Variants in OPHN1 observed in about 807,000 individuals in gnomAD.
The protein encoded by OPHN1 is oligophrenin 1.
Under a neutral mutation model 60.7 loss-of-function variants are expected in OPHN1, and 11 were observed. The ratio of observed to expected loss-of-function variants is 0.18; its 90% confidence interval spans 0.11 to 0.30. The LOEUF is 0.30. OPHN1 is among the 10% of genes least tolerant of loss of function. The pLI, the probability that OPHN1 is intolerant of heterozygous loss-of-function variation, is 1.00. For synonymous variants in OPHN1, 226 were observed against 222.6 expected, an observed-to-expected ratio of 1.02 and a Z score of -0.14; for missense variants, 449 against 611.0, an observed-to-expected ratio of 0.73 and a Z score of 2.80.
chrX:68,343,941 C>G (rs748004727), intron 2 of OPHN1, among the ~76,000 whole-genome samples: 2 of 111,964 alleles, frequency 1.8e-5, no homozygotes, highest in African/African-American at 3.2e-5. Context: ...TGGCGTATAG[C>G]CTTGCTACTC....
Position 68,234,472 on chromosome X carries a change from G to A in OPHN1, c.486+15C>T. On this transcript the variant is annotated intron_variant, in intron 6 of 24. Coordinates refer to ENST00000355520, the MANE Select transcript of OPHN1 (RefSeq NM_002547.3). ...AGCTAGCAATGGAAGGCAGGGGCAGGCTTTGTGAACATACCTCTTGTAACT... is the reference window on the plus strand; with the variant it reads ...AGCTAGCAATGGAAGGCAGGGGCAGACTTTGTGAACATACCTCTTGTAACT... The A allele has an allele frequency of 8.7e-7, 1 of 1,147,102 alleles. No individual in the cohort carries two copies. The allele number at this position is 1,147,102 out of a possible 1,213,427, so 94.5% of individuals were successfully genotyped here.
chrX:68,340,830 C>A (rs761831194), intron 2 of OPHN1, among the ~76,000 whole-genome samples: 21 of 109,883 alleles, frequency 1.9e-4, no homozygotes, highest in Non-Finnish European at 3.8e-4. Context: ...ATGATGAAAC[C>A]CTGTCTCTAC....
At chrX:68,385,019 T>C (rs925483089) in intron 2 of OPHN1, among the ~76,000 whole-genome samples, 1 of 110,787 alleles carries the variant, frequency 9.0e-6, no homozygotes, top group Non-Finnish European at 1.9e-5. Context: ...AACTTATCCA[T>C]GTAACCAAAA....
chrX:68,129,948 G>C (rs1371853123), intron 15 of OPHN1, among the ~76,000 whole-genome samples: 1 of 112,206 alleles, frequency 8.9e-6, no homozygotes, highest in Non-Finnish European at 1.9e-5. Flanking sequence ...GGTCTTGCCA[G>C]TTGTATTTTG....
intron 6 of OPHN1, among the ~76,000 whole-genome samples, chrX:68,227,231 ATACAG>A (rs2077699404): frequency 8.9e-6 from 1 of 111,855 alleles, no homozygotes; most frequent in African/African-American, 3.3e-5. Context: ...TATGCACCCA[ATACAG>A]GAGCACACAG....
At position 68,433,192 on chromosome X, in the gene OPHN1, G is replaced by C; in HGVS notation, c.-29C>G. The C allele has an allele frequency of 8.1e-6, 4 of 494,517 alleles. No individual in the cohort carries two copies. In the South Asian group the frequency reaches 1.1e-4, roughly 14 times the overall value. 40.8% of individuals were successfully genotyped at this position (494,517 alleles called of 1,213,427 possible). On this transcript the variant is annotated 5_prime_UTR_variant, in exon 1 of 25. Transcript: ENST00000355520. ...CCTGTTTCAGTGAGACTCCTGAGGA[G>C]CGCTGGCTGGTCCGGACAGAGAACA...
At chrX:68,192,880 A>G (rs1360164596) in intron 15 of OPHN1, 39 bp downstream of exon 15, 2 of 1,020,181 alleles carry the variant, frequency 2.0e-6, no homozygotes, top group Non-Finnish European at 2.8e-6. Flanking sequence ...GTAACACATA[A>G]AGTACTCCCA....
intron 2 of OPHN1, among the ~76,000 whole-genome samples, chrX:68,337,177 T>C (rs1450980101): frequency 9.0e-6 from 1 of 111,449 alleles, no homozygotes; most frequent in Non-Finnish European, 1.9e-5. Flanking sequence ...AAAGGTACAC[T>C]TGTTCCCTTC....
Position 68,433,338 on chromosome X carries a change from A to T in OPHN1, c.-175T>A. The T allele has an allele frequency of 3.3e-6, 1 of 301,818 alleles. No homozygotes were observed. The allele number at this position is 301,818 out of a possible 1,213,427, so 24.9% of individuals were successfully genotyped here. A position where few individuals can be genotyped will look rare whatever the true frequency, so the allele number is the denominator to read the frequency against. ...TCGCCTTCCCAGATAAGCAGCAAAA[A>T]CCGCAGCCCGACTTGCCTCCGGAGA... On this transcript the variant is annotated 5_prime_UTR_variant, in exon 1 of 25. Transcript: ENST00000355520.
chrX:68,427,958 C>T (rs1569311128), intron 2 of OPHN1, among the ~76,000 whole-genome samples: 1 of 111,420 alleles, frequency 9.0e-6, no homozygotes. Context: ...TGGTGAAATC[C>T]TGTCTCTACT....
In OPHN1 at chrX:68,216,848, A is replaced by T. The variant is rs182685487; in HGVS notation, c.487-2876T>A. Among the ~76,000 whole-genome samples the T allele has an allele frequency of 6.2e-5, 7 of 112,365 alleles. No homozygotes were observed. The East Asian group carries it at 2.0e-3, about 32-fold the overall frequency. ...GACATGAACAGACATTTTTCAAAAGAAGATGCACAAATGGCCAATAACATG... is the reference window on the plus strand; with the variant it reads ...GACATGAACAGACATTTTTCAAAAGTAGATGCACAAATGGCCAATAACATG... On this transcript the variant is annotated intron_variant, in intron 6 of 24. Transcript: ENST00000355520.
Position 68,344,427 on chromosome X carries a change from C to T in OPHN1, c.155-45331G>A, listed in dbSNP as rs1312538654. On this transcript the variant is annotated intron_variant, in intron 2 of 24. Transcript: ENST00000355520. ...AGGAGTTCAAGACCAGCCTGGCCGA[C>T]ATGGTGAAACCCCACCTTTACAAAA... is the stretch of plus-strand genomic sequence containing the variant. Among the ~76,000 whole-genome samples the T allele has an allele frequency of 2.8e-5, 3 of 107,424 alleles. No homozygotes were observed. In the Admixed American group the frequency reaches 3.0e-4, roughly 11 times the overall value. 93.3% of individuals were successfully genotyped at this position (107,424 alleles called of 115,157 possible).
chrX:68,073,392 A>G, intron 19 of OPHN1, 93 bp from the exon 20 acceptor site: 1 of 792,073 alleles, frequency 1.3e-6, no homozygotes, highest in Non-Finnish European at 1.8e-6. Context: ...TTGGCCTTAT[A>G]TCTAGAGTTT....
chrX:68,390,983 C>G (rs1449783330), intron 2 of OPHN1, among the ~76,000 whole-genome samples: 1 of 111,586 alleles, frequency 9.0e-6, no homozygotes, highest in African/African-American at 3.3e-5. Flanking sequence ...CAGTCCTGGA[C>G]TTTTCTAGCT....
chrX:68,098,051 A>G (rs2077044238), intron 18 of OPHN1, among the ~76,000 whole-genome samples: 1 of 110,375 alleles, frequency 9.1e-6, no homozygotes, highest in African/African-American at 3.3e-5. Context: ...GTTATACCAC[A>G]TTGTTTCAGA....
chrX:68,134,428 C>G (rs762675981), intron 15 of OPHN1, among the ~76,000 whole-genome samples: 3 of 111,477 alleles, frequency 2.7e-5, no homozygotes, highest in African/African-American at 9.8e-5. Context: ...GAAATATCTA[C>G]AAATGTGTGG....
chrX:68,390,387 T>C (rs2078647735), intron 2 of OPHN1, among the ~76,000 whole-genome samples: 1 of 111,281 alleles, frequency 9.0e-6, no homozygotes, highest in African/African-American at 3.3e-5. Flanking sequence ...TTGCTTGAGC[T>C]CAGGTGTTTG....
At chrX:68,290,295 C>T (rs1316777478) in intron 3 of OPHN1, among the ~76,000 whole-genome samples, 4 of 110,684 alleles carry the variant, frequency 3.6e-5, no homozygotes, top group East Asian at 2.8e-4. Context: ...TTCAACTCTA[C>T]GAAAAAAGCT....
intron 15 of OPHN1, among the ~76,000 whole-genome samples, chrX:68,133,834 G>T (rs759438154): frequency 1.4e-4 from 15 of 110,870 alleles, no homozygotes; most frequent in Non-Finnish European, 1.1e-4. Flanking sequence ...ATTTTTTTTT[G>T]ATCTTGGGGA....
Sources: gnomAD v4.1 joint callset for allele counts (sites outside exome capture counted in the v4.1 genomes callset) on GRCh38, gnomAD v4.1.1 for gene constraint, MANE v1.5 for transcripts, NCBI Gene and HGNC (gene_info 2026-07-23, HGNC 2026-07-21) for gene names.